CDK6: variants seen among roughly 807,000 people sequenced by gnomAD.
The protein encoded by CDK6 is cyclin-dependent kinase 6.
Under a neutral mutation model 37.1 loss-of-function variants are expected in CDK6, and 6 were observed. That is an observed-to-expected ratio of 0.16 (90% CI 0.09 to 0.32). The LOEUF (loss-of-function observed/expected upper bound fraction) is 0.32, where lower values mean the gene tolerates loss of function less well. CDK6 is among the 10% of genes least tolerant of loss of function. The pLI is 1.00. For missense variants in CDK6, 224 were observed against 418.9 expected (o/e 0.53, Z 4.06); for synonymous variants, 160 against 161.3 (o/e 0.99, Z 0.06).
chr7:92,774,622 A>G (rs2115782952), intron 3 of CDK6, 74 bp downstream of exon 3: 1 of 1,312,362 alleles, frequency 7.6e-7, no homozygotes, highest in Non-Finnish European at 1.0e-6. Flanking sequence ...CAATTTTCAT[A>G]AGGAAAGAAA....
intron 3 of CDK6, among the ~76,000 whole-genome samples, chr7:92,765,974 G>A (rs927738032): frequency 3.5e-4 from 54 of 152,128 alleles, no homozygotes; most frequent in African/African-American, 1.3e-3. Context: ...CGAGCTAGAA[G>A]CAAGCTGGAG....
intron 3 of CDK6, among the ~76,000 whole-genome samples, chr7:92,774,331 C>T (rs1799790210): frequency 6.6e-6 from 1 of 152,162 alleles, no homozygotes. Flanking sequence ...AATTATGTCT[C>T]TCATAGACAA....
intron 3 of CDK6, among the ~76,000 whole-genome samples, chr7:92,729,281 G>A (rs1798587477): frequency 6.6e-6 from 1 of 152,058 alleles, no homozygotes; most frequent in Non-Finnish European, 1.5e-5. Context: ...TACCATATAT[G>A]ACTCAAATAT....
chr7:92,785,610 C>A (rs568527481), intron 2 of CDK6, among the ~76,000 whole-genome samples: 1 of 152,182 alleles, frequency 6.6e-6, no homozygotes, highest in South Asian at 2.1e-4. Flanking sequence ...TAATACTTTG[C>A]CTAAAGTACA....
chr7:92,808,480 C>T (rs1477576763), intron 2 of CDK6, among the ~76,000 whole-genome samples: 1 of 152,198 alleles, frequency 6.6e-6, no homozygotes, highest in East Asian at 1.9e-4. Context: ...ACTTAAAGTG[C>T]CTTCTATAAA....
chr7:92,627,766 C>T (rs1019436921), intron 5 of CDK6, among the ~76,000 whole-genome samples: 1 of 151,800 alleles, frequency 6.6e-6, no homozygotes, highest in Non-Finnish European at 1.5e-5. Flanking sequence ...CTGAATTGTA[C>T]TATTTATATT....
At chr7:92,825,460 G>GCACGTGCA (rs1801285547) in intron 2 of CDK6, among the ~76,000 whole-genome samples, 1 of 148,506 alleles carries the variant, frequency 6.7e-6, no homozygotes, top group Non-Finnish European at 1.5e-5. Context: ...GCACATGCGT[G>GCACGTGCA]CACACACACA....
In CDK6 at chr7:92,609,431, C is replaced by CA; in HGVS notation, c.*5708_*5709insT. On this transcript the variant is annotated 3_prime_UTR_variant, in exon 8 of 8. Coordinates refer to ENST00000424848, the MANE Select transcript of CDK6 (RefSeq NM_001145306.2). ...AGTTGTTATGCTCATATACTTCAGA[C>CA]TTTTTTTTTTTAATTAGAGCTTCTT... The CA allele has an allele frequency of 4.9e-6, 1 of 206,018 alleles. No homozygotes were observed. The highest frequency in any genetic ancestry group is 7.5e-5 in the East Asian group (1 of 13,354). 12.8% of individuals were successfully genotyped at this position (206,018 alleles called of 1,614,324 possible). A position where few individuals can be genotyped will look rare whatever the true frequency, so the allele number is the denominator to read the frequency against.
At chr7:92,740,039 T>A (rs1222132990) in intron 3 of CDK6, among the ~76,000 whole-genome samples, 2 of 152,214 alleles carry the variant, frequency 1.3e-5, no homozygotes, top group African/African-American at 4.8e-5. Flanking sequence ...ATTACAGGTG[T>A]GAGCCACCAT....
At chr7:92,724,146 A>T (rs1477221043) in intron 4 of CDK6, among the ~76,000 whole-genome samples, 1 of 152,080 alleles carries the variant, frequency 6.6e-6, no homozygotes, top group Non-Finnish European at 1.5e-5. Context: ...CATGCGCAAC[A>T]ACTTCCTAGG....
intron 4 of CDK6, among the ~76,000 whole-genome samples, chr7:92,719,329 CAAAT>C (rs1798311080): frequency 6.6e-6 from 1 of 151,914 alleles, no homozygotes; most frequent in Non-Finnish European, 1.5e-5. Flanking sequence ...TTAATGATCT[CAAAT>C]AAAGCAATAT....
chr7:92,771,713 A>G (rs1777179809), intron 3 of CDK6, among the ~76,000 whole-genome samples: 1 of 152,186 alleles, frequency 6.6e-6, no homozygotes, highest in Non-Finnish European at 1.5e-5. Flanking sequence ...CCCTGCACAG[A>G]GTGAATATTC....
chr7:92,709,961 G>T (rs773940349), intron 4 of CDK6, among the ~76,000 whole-genome samples: 6 of 152,176 alleles, frequency 3.9e-5, no homozygotes, highest in Non-Finnish European at 7.3e-5. Flanking sequence ...GAGCACGTAA[G>T]GAAAAATGCA....
At chr7:92,788,879 G>A (rs1412486370) in intron 2 of CDK6, among the ~76,000 whole-genome samples, 1 of 152,092 alleles carries the variant, frequency 6.6e-6, no homozygotes, top group African/African-American at 2.4e-5. Context: ...CACTTTGGGA[G>A]GCCTAGGCAA....
At chr7:92,778,222 T>C (rs1234976134) in intron 2 of CDK6, among the ~76,000 whole-genome samples, 3 of 152,200 alleles carry the variant, frequency 2.0e-5, no homozygotes, top group African/African-American at 7.2e-5. Flanking sequence ...AGATCCAAGC[T>C]TCTTTTTAAT....
intron 2 of CDK6, among the ~76,000 whole-genome samples, chr7:92,829,774 T>C (rs2116017076): frequency 6.6e-6 from 1 of 152,290 alleles, no homozygotes; most frequent in East Asian, 1.9e-4. Flanking sequence ...GTAACCGAAT[T>C]ATCAGAAATA....
At chr7:92,693,544 CTAAT>C (rs1797642806) in intron 4 of CDK6, among the ~76,000 whole-genome samples, 1 of 152,140 alleles carries the variant, frequency 6.6e-6, no homozygotes, top group South Asian at 2.1e-4. Flanking sequence ...CAGGTATATT[CTAAT>C]TAATTCATCA....
rs1801614444 is a variant in CDK6, at chr7:92,835,036, C to G, written c.-367-1346G>C. The G allele has an allele frequency of 6.6e-6, 1 of 152,278 alleles. No individual in the cohort carries two copies. The highest frequency in any genetic ancestry group is 2.4e-5 in the African/African-American group (1 of 41,472). The allele number at this position is 152,278 out of a possible 1,614,324, so 9.4% of individuals were successfully genotyped here. A position where few individuals can be genotyped will look rare whatever the true frequency, so the allele number is the denominator to read the frequency against. On this transcript the variant is annotated intron_variant, in intron 1 of 7. Transcript: ENST00000424848. This position sits in a 1 kb window ranked among gnomAD's most constrained non-coding sequence, Gnocchi z 4.2. ...GGGCACCTCGGAATTACCTGCCTCG[C>G]AACCGCTGGCCCGCTCGCCTTTTGC...
chr7:92,623,001 A>G lies in CDK6; in HGVS notation c.698+35T>C, dbSNP rs568539695. Reference sequence around the variant, plus strand: ...AAGTCACTGTAAATGTTTTAATGCTATGGACACTGGTGTAAAATTATAATT... The same window carrying G: ...AAGTCACTGTAAATGTTTTAATGCTGTGGACACTGGTGTAAAATTATAATT... On this transcript the variant is annotated intron_variant, in intron 6 of 7. Coordinates refer to ENST00000424848, the MANE Select transcript of CDK6 (RefSeq NM_001145306.2). 4 of 1,326,960 alleles carry G rather than the reference A, an allele frequency of 3.0e-6. No individual in the cohort carries two copies. The Admixed American group carries it at 5.6e-5, about 19-fold the overall frequency. The allele number at this position is 1,326,960 out of a possible 1,614,324, so 82.2% of individuals were successfully genotyped here.
Sources: gnomAD v4.1 joint callset for allele counts (sites outside exome capture counted in the v4.1 genomes callset) on GRCh38, gnomAD v4.1.1 for gene constraint, Gnocchi (gnomAD v3.1) non-coding constraint, MANE v1.5 for transcripts, NCBI Gene and HGNC (gene_info 2026-07-23, HGNC 2026-07-21) for gene names.